The following INO80C variants were observed in gnomAD, a reference collection of about 807,000 sequenced individuals.
The protein encoded by INO80C is IES6 homolog.
In INO80C, 17 loss-of-function variants were observed where a neutral mutation model predicts 17.7. That is an observed-to-expected ratio of 0.96 (90% CI 0.66 to 1.44). The LOEUF (loss-of-function observed/expected upper bound fraction) is 1.44, where lower values mean the gene tolerates loss of function less well. INO80C is among the 40% of genes most tolerant of loss of function. The pLI is 0.00. For synonymous variants in INO80C, 96 were observed against 95.8 expected (o/e 1.00, Z -0.01); for missense variants, 244 against 245.0 (o/e 1.00, Z 0.03).
intron 1 of INO80C, among the ~76,000 whole-genome samples, chr18:35,490,090 G>A (rs1432754364): frequency 2.6e-5 from 4 of 152,178 alleles, no homozygotes. Flanking sequence ...TCCTGAGAAG[G>A]AAGGTGGAGC....
chr18:35,493,122 T>C (rs751404988), intron 1 of INO80C, among the ~76,000 whole-genome samples: 4 of 152,342 alleles, frequency 2.6e-5, no homozygotes, highest in Admixed American at 6.5e-5. Context: ...TCTATGCTCT[T>C]GGCGTTTTTA....
At chr18:35,497,339 C>T (rs1399509455) in intron 1 of INO80C, 2 of 985,232 alleles carry the variant, frequency 2.0e-6, no homozygotes, top group South Asian at 4.7e-5. Context: ...CATTACAGCG[C>T]TATGCGCCTC....
At position 35,497,921 on chromosome 18, in the gene INO80C, G is replaced by T; in HGVS notation, c.-47C>A. 2 of 1,481,824 alleles carry T rather than the reference G, an allele frequency of 1.3e-6. No homozygotes were observed. Among genetic ancestry groups the T allele is most frequent in the African/African-American group, 1.5e-5 (1 of 68,512 alleles). 91.8% of individuals were successfully genotyped at this position (1,481,824 alleles called of 1,614,324 possible). On this transcript the variant is annotated 5_prime_UTR_variant, in exon 1 of 5. Coordinates refer to ENST00000334598, the MANE Select transcript of INO80C (RefSeq NM_194281.4). Reference sequence around the variant, plus strand: ...GTCCCCCCACCTTTTTCCCAGCGCGGGCCTTGGAACTTCCTTTCCGCTGTT... The same window carrying T: ...GTCCCCCCACCTTTTTCCCAGCGCGTGCCTTGGAACTTCCTTTCCGCTGTT...
At chr18:35,490,411 C>T (rs902279066) in intron 1 of INO80C, among the ~76,000 whole-genome samples, 2 of 152,166 alleles carry the variant, frequency 1.3e-5, no homozygotes, top group Admixed American at 1.3e-4. Context: ...ACAAAACACC[C>T]CCACTAGGGA....
chr18:35,496,173 G>T (rs1350658599), intron 1 of INO80C, among the ~76,000 whole-genome samples: 1 of 152,164 alleles, frequency 6.6e-6, no homozygotes, highest in African/African-American at 2.4e-5. Flanking sequence ...CAAGAGAAAT[G>T]AAAGCATCTA....
Position 35,497,889 on chromosome 18 carries a change from T to G in INO80C, c.-15A>C. The stretch of plus-strand genomic sequence containing the variant: ...TGCGCCGCCATCGCACTCCGAGTCT[T>G]CCCCTGGTCCCCCCACCTTTTTCCC... On this transcript the variant is annotated 5_prime_UTR_variant, in exon 1 of 5. Transcript: ENST00000334598. 6.5e-7 allele frequency: 1 copy of G among 1,528,458 alleles called. No individual in the cohort carries two copies. Among genetic ancestry groups the G allele is most frequent in the Non-Finnish European group, 8.8e-7 (1 of 1,135,682 alleles). 94.7% of individuals were successfully genotyped at this position (1,528,458 alleles called of 1,614,324 possible).
chr18:35,484,138 G>A (rs1318481252), intron 1 of INO80C, among the ~76,000 whole-genome samples: 1 of 152,144 alleles, frequency 6.6e-6, no homozygotes, highest in Non-Finnish European at 1.5e-5. Context: ...TGGTAAGTTT[G>A]TTTCTCACAG....
Position 35,468,372 on chromosome 18 carries a change from C to T in INO80C, c.*239G>A. The T allele has an allele frequency of 7.4e-7, 1 of 1,348,796 alleles. No individual in the cohort carries two copies. Among genetic ancestry groups the T allele is most frequent in the South Asian group, 1.8e-5 (1 of 56,782 alleles). The allele number at this position is 1,348,796 out of a possible 1,614,324, so 83.6% of individuals were successfully genotyped here. A position where few individuals can be genotyped will look rare whatever the true frequency, so the allele number is the denominator to read the frequency against. ...GGTTTTATTGTATCTTCTTGTCAAA[C>T]ACCTTTACTTGAGGCAACAACTGAA... On this transcript the variant is annotated 3_prime_UTR_variant, in exon 5 of 5. Transcript: ENST00000334598.
At position 35,474,207 on chromosome 18, in the gene INO80C, C is replaced by CTATATATATATATATATATA. The variant is rs58465669; in HGVS notation, c.447+4055_447+4074dup. Among the ~76,000 whole-genome samples, 21 of 58,046 alleles carry CTATATATATATATATATATA rather than the reference C, an allele frequency of 3.6e-4. 2 individuals carry two copies. The highest frequency in any genetic ancestry group is 4.8e-4 in the Admixed American group (2 of 4,200). The allele number at this position is 58,046 out of a possible 152,430, so 38.1% of individuals were successfully genotyped here. On this transcript the variant is annotated intron_variant, in intron 4 of 4. Coordinates refer to ENST00000334598, the MANE Select transcript of INO80C (RefSeq NM_194281.4). ...TATATGTGTATATGTGTGTGTGTGTCTATATATATATATATATATATATAT... is the reference window on the plus strand; with the variant it reads ...TATATGTGTATATGTGTGTGTGTGTCTATATATATATATATATATATATATATATATATATATATATATAT...
At chr18:35,496,259 C>A (rs1244180179) in intron 1 of INO80C, among the ~76,000 whole-genome samples, 1 of 152,202 alleles carries the variant, frequency 6.6e-6, no homozygotes, top group Non-Finnish European at 1.5e-5. Flanking sequence ...TTCAAATATT[C>A]ATCGGGTGTA....
At chr18:35,469,689 C>T (rs1015234669) in intron 4 of INO80C, among the ~76,000 whole-genome samples, 1 of 152,182 alleles carries the variant, frequency 6.6e-6, no homozygotes, top group Non-Finnish European at 1.5e-5. Flanking sequence ...ATCTCTGTTG[C>T]TTTAAAGTTT....
intron 1 of INO80C, among the ~76,000 whole-genome samples, chr18:35,484,771 T>A (rs1216433032): frequency 6.6e-6 from 1 of 152,168 alleles, no homozygotes; most frequent in African/African-American, 2.4e-5. Context: ...ATCCAGCACA[T>A]ATACTGAGAG....
rs369174665 is a variant in INO80C at position 35,477,572 on chromosome 18, GAAAACAAAAC to G, written c.447+700_447+709del. Among the ~76,000 whole-genome samples, 856 of 152,110 alleles carry G rather than the reference GAAAACAAAAC, an allele frequency of 5.6e-3. 8 individuals are homozygous for G. Among genetic ancestry groups the G allele is most frequent in the African/African-American group, 0.018 (751 of 41,514 alleles). ...TCTCTAAGTTCATCCATTTGTTTAA[GAAAACAAAAC>G]AAAACAAAACAAAACAAAACAAAAA... On this transcript the variant is annotated intron_variant, in intron 4 of 4. Coordinates refer to ENST00000334598, the MANE Select transcript of INO80C (RefSeq NM_194281.4).
rs771241298 is a variant in INO80C at position 35,479,329 on chromosome 18, G to A, written c.350C>T (p.Ala117Val). 2.5e-5 allele frequency: 41 copies of A among 1,613,516 alleles called. No homozygotes were observed. The highest frequency in any genetic ancestry group is 3.5e-5 in the Non-Finnish European group (41 of 1,179,550). ...NLKQILASER[A>V]LPWQLNDPNY... ...AGGATCGTTCAGTTGCCACGGCAAT[G>A]CCCTTTCAGAAGCGAGGATTTGTTT... Residue 117 changes from alanine to valine, a missense_variant, in exon 3 of 5, where the codon GCA becomes GTA. Ala to Val is a moderately conservative substitution (Grantham distance 64). Coordinates refer to ENST00000334598, the MANE Select transcript of INO80C (RefSeq NM_194281.4).
chr18:35,471,818 T>C (rs1311827255), intron 4 of INO80C, among the ~76,000 whole-genome samples: 2 of 35,246 alleles, frequency 5.7e-5, no homozygotes, highest in African/African-American at 1.3e-4. Flanking sequence ...TGTGTTCTCA[T>C]TGTTCAATTC....
chr18:35,492,544 GA>G (rs10707249), intron 1 of INO80C, among the ~76,000 whole-genome samples: 112,479 of 151,960 alleles, frequency 0.74, 41,856 homozygotes, highest in East Asian at 0.98. Context: ...TTTTAAAAAT[GA>G]AAAAAAAGGT....
At chr18:35,491,102 A>T (rs745746515) in intron 1 of INO80C, among the ~76,000 whole-genome samples, 1 of 152,038 alleles carries the variant, frequency 6.6e-6, no homozygotes, top group Non-Finnish European at 1.5e-5. Context: ...CACTTCCCCA[A>T]TCCCAGTGAG....
At chr18:35,482,752 C>T (rs541039511) in intron 1 of INO80C, among the ~76,000 whole-genome samples, 1 of 152,142 alleles carries the variant, frequency 6.6e-6, no homozygotes, top group Non-Finnish European at 1.5e-5. Flanking sequence ...TTCCTCCCAC[C>T]CTCCCTTCCG....
chr18:35,476,325 A>C (rs2045735246), intron 4 of INO80C, among the ~76,000 whole-genome samples: 1 of 152,204 alleles, frequency 6.6e-6, no homozygotes, highest in Non-Finnish European at 1.5e-5. Flanking sequence ...AGACAGGATG[A>C]CTAAATTTGA....
Sources: gnomAD v4.1 joint callset for allele counts (sites outside exome capture counted in the v4.1 genomes callset) on GRCh38, gnomAD v4.1.1 for gene constraint, MANE v1.5 for transcripts, NCBI Gene and HGNC (gene_info 2026-07-23, HGNC 2026-07-21) for gene names.